Variants in BGN observed in about 807,000 individuals in gnomAD.
BGN encodes the protein biglycan.
BGN carries 6 observed loss-of-function variants against 20.0 expected under a neutral mutation model. That is an observed-to-expected ratio of 0.30 (90% confidence interval 0.16 to 0.59). BGN has a LOEUF of 0.59. Among genes scored for constraint, BGN ranks in the 20% least tolerant of loss-of-function variants. The probability of loss-of-function intolerance (pLI) is 0.88; values close to 1 mark genes in which losing one functional copy is unlikely to be tolerated. For synonymous variants in BGN, 146 were observed against 134.6 expected, an observed-to-expected ratio of 1.08 and a Z score of -0.59; for missense variants, 292 against 312.1, an observed-to-expected ratio of 0.94 and a Z score of 0.49.
At chrX:153,507,925 G>T in intron 7 of BGN, among the ~76,000 whole-genome samples, 1 of 112,933 alleles carries the variant, frequency 8.9e-6, no homozygotes, top group Admixed American at 9.2e-5. Flanking sequence ...TGGAGTGTGA[G>T]GGTGCTCCCC....
chrX:153,505,902 G>A lies in BGN; in HGVS notation c.391G>A (p.Glu131Lys), dbSNP rs1020237887. The A allele has an allele frequency of 2.5e-6, 3 of 1,211,759 alleles. No homozygotes were observed. Among genetic ancestry groups the A allele is most frequent in the Admixed American group, 2.2e-5 (1 of 46,098 alleles). Residue 131 changes from glutamate (E) to lysine (K), a missense_variant, in exon 4 of 8, where the codon GAG becomes AAG. Transcript: ENST00000331595. ...GAACAACAAGATCTCCAAGATCCAT[G>A]AGAAGGCCTTCAGCCCACTGCGGAA... ...LVNNKISKIH[E>K]KAFSPLRKLQ...
At position 153,502,303 on chromosome X, in the gene BGN, G is replaced by A. The variant is rs782333722; in HGVS notation, c.-11-2318G>A. 1.6e-4 allele frequency among the ~76,000 whole-genome samples: 18 copies of A among 112,391 alleles called. No homozygotes were observed. The South Asian group carries it at 5.5e-3, about 34-fold the overall frequency. On this transcript the variant is annotated intron_variant, in intron 1 of 7. Transcript: ENST00000331595. ...CCCTGGAGCTTGCCAGGGCTCTGGC[G>A]GGGTGTCCCAGCCCTGACTCACTCT...
At chrX:153,502,875 A>G (rs1165677638) in intron 1 of BGN, among the ~76,000 whole-genome samples, 2 of 111,364 alleles carry the variant, frequency 1.8e-5, no homozygotes, top group Non-Finnish European at 3.8e-5. Context: ...CGGAAAGGCC[A>G]CTCCACAGGC....
rs371932706 is a variant in BGN at position 153,504,775 on chromosome X, C to A, written c.144C>A (p.Gly48=). ...DEEASGADTS[G]VLDPDSVTPT... is the part of the protein sequence containing the mutation. Reference sequence around the variant, plus strand: ...AAGCTTCGGGCGCTGACACCTCGGGCGTCCTGGACCCGGACTCTGTCACAC... The same window carrying A: ...AAGCTTCGGGCGCTGACACCTCGGGAGTCCTGGACCCGGACTCTGTCACAC... Residue 48 remains glycine, a synonymous_variant, in exon 2 of 8, where the codon GGC becomes GGA. Coordinates refer to ENST00000331595, the MANE Select transcript of BGN (RefSeq NM_001711.6). The A allele has an allele frequency of 5.0e-5, 60 of 1,210,080 alleles. No homozygotes were observed. The highest frequency in any genetic ancestry group is 6.5e-5 in the Non-Finnish European group (58 of 895,234).
At chrX:153,496,979 T>C (rs1556990923) in intron 1 of BGN, among the ~76,000 whole-genome samples, 6 of 19,541 alleles carry the variant, frequency 3.1e-4, no homozygotes, top group African/African-American at 1.1e-3. Flanking sequence ...CCCCAGCATC[T>C]CCAGCCTGCC....
At chrX:153,506,989 GC>G in intron 6 of BGN, 57 bp from the exon 7 acceptor site, 2 of 1,208,267 alleles carry the variant, frequency 1.7e-6, no homozygotes, top group Non-Finnish European at 2.2e-6. Flanking sequence ...GGCCCCTCGC[GC>G]CCAGCCCCCC....
Position 153,508,639 on chromosome X carries a change from G to A in BGN, c.*194G>A, listed in dbSNP as rs370902723. On this transcript the variant is annotated 3_prime_UTR_variant, in exon 8 of 8. Transcript: ENST00000331595. ...CTGGCTCCCAAGGGTGCAGGTGGGC[G>A]CAAGGCCCGGCCCCCATCACATGTT... The A allele has an allele frequency of 4.1e-5, 20 of 492,868 alleles. No individual in the cohort carries two copies. The highest frequency in any genetic ancestry group is 1.2e-3 in the Middle Eastern group (2 of 1,693). 40.6% of individuals were successfully genotyped at this position (492,868 alleles called of 1,213,427 possible). A position where few individuals can be genotyped will look rare whatever the true frequency, so the allele number is the denominator to read the frequency against.
At chrX:153,496,619 C>A (rs1219770052) in intron 1 of BGN, among the ~76,000 whole-genome samples, 1 of 112,499 alleles carries the variant, frequency 8.9e-6, no homozygotes, top group Non-Finnish European at 1.9e-5. Context: ...GCAGCCCTGG[C>A]CTCCCTGGCC....
At chrX:153,499,556 C>A (rs1348881149) in intron 1 of BGN, among the ~76,000 whole-genome samples, 1 of 113,466 alleles carries the variant, frequency 8.8e-6, no homozygotes, top group African/African-American at 3.2e-5. Flanking sequence ...GGAGCAGACG[C>A]CCAAGCGTGG....
intron 1 of BGN, among the ~76,000 whole-genome samples, chrX:153,501,945 C>T (rs974613490): frequency 8.1e-4 from 91 of 112,268 alleles, no homozygotes; most frequent in Non-Finnish European, 1.1e-3. Context: ...CCCTCGTTGC[C>T]CCACAGCTGG....
Position 153,508,368 on chromosome X carries a change from T to C in BGN, c.1030T>C (p.Tyr344His), listed in dbSNP as rs201184042. The change falls in exon 8 of 8, where the codon TAC becomes CAC. Residue 344 changes from tyrosine (Y) to histidine (H), a missense_variant. By Grantham distance (83) the Tyr-to-His change is moderately conservative. Transcript: ENST00000331595. The stretch of plus-strand genomic sequence containing the variant: ...CAGCCTCTTCAACAACCCCGTGCCC[T>C]ACTGGGAGGTGCAGCCGGCCACTTT... ...GISLFNNPVPYWEVQPATFRC... is the reference protein window; with the variant it reads ...GISLFNNPVPHWEVQPATFRC... 1.5e-4 allele frequency: 179 copies of C among 1,211,001 alleles called. No individual in the cohort carries two copies. The highest frequency in any genetic ancestry group is 1.8e-4 in the Non-Finnish European group (164 of 895,439).
rs2089823031 is a variant in BGN at position 153,508,956 on chromosome X, T to C, written c.*511T>C. On this transcript the variant is annotated 3_prime_UTR_variant, in exon 8 of 8. Coordinates refer to ENST00000331595, the MANE Select transcript of BGN (RefSeq NM_001711.6). ...TCAGCCCCCTTGCAAGTTCATGGCCTGTCCCTCCCAGACCCCTGCTCCACT... is the reference window on the plus strand; with the variant it reads ...TCAGCCCCCTTGCAAGTTCATGGCCCGTCCCTCCCAGACCCCTGCTCCACT... The C allele has an allele frequency of 2.2e-5, 3 of 133,894 alleles. No individual in the cohort carries two copies. The Admixed American group carries it at 2.5e-4, about 11-fold the overall frequency. 11.0% of individuals were successfully genotyped at this position (133,894 alleles called of 1,213,427 possible). A position where few individuals can be genotyped will look rare whatever the true frequency, so the allele number is the denominator to read the frequency against.
Position 153,505,800 on chromosome X carries a change from G to A in BGN, c.352-63G>A, listed in dbSNP as rs2089795995. On this transcript the variant is annotated intron_variant, in intron 3 of 7. Transcript: ENST00000331595. Reference sequence around the variant, plus strand: ...TGGGCTGGGGAGGCACAGGAAGGCAGGAGAGAGGGGCGGGTGGGGTGGGGA... The same window carrying A: ...TGGGCTGGGGAGGCACAGGAAGGCAAGAGAGAGGGGCGGGTGGGGTGGGGA... 3.9e-6 allele frequency: 4 copies of A among 1,029,607 alleles called. No homozygotes were observed. The South Asian group carries it at 6.3e-5, about 16-fold the overall frequency. The allele number at this position is 1,029,607 out of a possible 1,213,427, so 84.9% of individuals were successfully genotyped here.
chrX:153,504,734 A>T lies in BGN; in HGVS notation c.103A>T (p.Met35Leu). ...CTTCACCCTGGACGATGGGCCATTC[A>T]TGATGAACGATGAGGAAGCTTCGGG... is the stretch of plus-strand genomic sequence containing the variant. ...WDFTLDDGPF[M>L]MNDEEASGAD... The change falls in exon 2 of 8, where the codon ATG (methionine) becomes TTG (leucine). Residue 35 changes from methionine (M) to leucine (L), a missense_variant. Transcript: ENST00000331595. 1 of 1,211,479 alleles carries T rather than the reference A, an allele frequency of 8.3e-7. No homozygotes were observed. Among genetic ancestry groups the T allele is most frequent in the Non-Finnish European group, 1.1e-6 (1 of 895,323 alleles).
At chrX:153,497,880 C>A (rs1354133717) in intron 1 of BGN, among the ~76,000 whole-genome samples, 3 of 112,567 alleles carry the variant, frequency 2.7e-5, no homozygotes, top group Non-Finnish European at 5.6e-5. Flanking sequence ...CGCTGTTTCG[C>A]TGTTTGCCTT....
Position 153,506,575 on chromosome X carries a change from C to G in BGN, c.612C>G (p.Ala204=). The G allele has an allele frequency of 8.3e-7, 1 of 1,211,266 alleles. No individual in the cohort carries two copies. ...PLENSGFEPG[A]FDGLKLNYLR... is the part of the protein sequence containing the mutation. ...AGAACAGTGGCTTTGAACCTGGAGC[C>G]TTCGATGGCCTGAAGCTCAACTACC... Residue 204 remains alanine, a synonymous_variant, in exon 5 of 8, where the codon GCC becomes GCG. Transcript: ENST00000331595.
chrX:153,504,853 T>C lies in BGN; in HGVS notation c.222T>C (p.Val74=), dbSNP rs1399581114. ...PFGCHCHLRV[V]QCSDLGLKSV... ...GCTGCCACTGCCACCTGCGGGTGGT[T>C]CAGTGCTCCGACCTGGGTTTGTCCC... is the stretch of plus-strand genomic sequence containing the variant. The change falls in exon 2 of 8, where the codon GTT becomes GTC. Residue 74 remains valine, a synonymous_variant. Coordinates refer to ENST00000331595, the MANE Select transcript of BGN (RefSeq NM_001711.6). 1 of 1,206,305 alleles carries C rather than the reference T, an allele frequency of 8.3e-7. No homozygotes were observed. The highest frequency in any genetic ancestry group is 1.1e-6 in the Non-Finnish European group (1 of 893,955).
At position 153,507,191 on chromosome X, in the gene BGN, A is replaced by G. The variant is rs1482590419; in HGVS notation, c.909+6A>G. 14 of 1,191,102 alleles carry G rather than the reference A, an allele frequency of 1.2e-5. No homozygotes were observed. In the African/African-American group the frequency reaches 2.1e-4, roughly 18 times the overall value. ...CAGACCTCAAGCTCCTCCAGGTGAG[A>G]GCTGGGCATGCACAGCCAGGTTCCC... is the stretch of plus-strand genomic sequence containing the variant. On this transcript the variant is annotated splice_donor_region_variant and intron_variant, in intron 7 of 7. Coordinates refer to ENST00000331595, the MANE Select transcript of BGN (RefSeq NM_001711.6).
rs1556993228 is a variant in BGN at position 153,506,605 on chromosome X, C to T, written c.642C>T (p.Arg214=). The T allele has an allele frequency of 8.3e-7, 1 of 1,211,467 alleles. No homozygotes were observed. The highest frequency in any genetic ancestry group is 2.2e-5 in the Admixed American group (1 of 46,030). ...ATGGCCTGAAGCTCAACTACCTGCG[C>T]ATCTCAGAGGCCAAGCTGACTGGCA... ...AFDGLKLNYL[R]ISEAKLTGIP... Residue 214 remains arginine (R), a synonymous_variant, in exon 5 of 8, where the codon CGC becomes CGT. Transcript: ENST00000331595.
Sources: gnomAD v4.1 joint callset for allele counts (sites outside exome capture counted in the v4.1 genomes callset) on GRCh38, gnomAD v4.1.1 for gene constraint, MANE v1.5 for transcripts, NCBI Gene and HGNC (gene_info 2026-07-23, HGNC 2026-07-21) for gene names.